Variants in CAMKMT observed in about 807,000 individuals in gnomAD.
CAMKMT encodes the protein calmodulin-lysine N-methyltransferase.
Under a neutral mutation model 48.0 loss-of-function variants are expected in CAMKMT, and 53 were observed. The ratio of observed to expected loss-of-function variants is 1.10; its 90% CI spans 0.89 to 1.39. The LOEUF (loss-of-function observed/expected upper bound fraction) is 1.39. CAMKMT is among the 40% of genes most tolerant of loss of function. CAMKMT has a pLI of 0.00. For missense variants in CAMKMT, 428 were observed against 402.7 expected (o/e 1.06, Z -0.54); for synonymous variants, 165 against 152.3 (o/e 1.08, Z -0.61).
chr2:44,683,771 C>G (rs1377407641), intron 3 of CAMKMT, among the ~76,000 whole-genome samples: 1 of 123,218 alleles, frequency 8.1e-6, no homozygotes, highest in Non-Finnish European at 1.6e-5. Flanking sequence ...TGCAGTGAGC[C>G]GAGATCGCGC....
intron 7 of CAMKMT, among the ~76,000 whole-genome samples, chr2:44,740,377 G>A (rs1199948704): frequency 3.3e-5 from 5 of 151,998 alleles, no homozygotes; most frequent in Admixed American, 6.6e-5. Context: ...CAATCCACCC[G>A]CTTCGGTCTC....
chr2:44,523,589 C>G (rs1671239318), intron 3 of CAMKMT, among the ~76,000 whole-genome samples: 1 of 151,074 alleles, frequency 6.6e-6, no homozygotes, highest in Non-Finnish European at 1.5e-5. Context: ...GTCACCACAC[C>G]TGTCCAAGGG....
intron 3 of CAMKMT, among the ~76,000 whole-genome samples, chr2:44,597,519 A>G (rs146659302): frequency 3.9e-5 from 6 of 152,316 alleles, no homozygotes; most frequent in Admixed American, 1.3e-4. Context: ...AAGTATGCAT[A>G]TTATAATCCC....
chr2:44,682,535 A>G (rs772415733), intron 3 of CAMKMT, among the ~76,000 whole-genome samples: 12 of 152,170 alleles, frequency 7.9e-5, no homozygotes, highest in Non-Finnish European at 1.5e-4. Flanking sequence ...CAACCAACCA[A>G]TCATCTCTTC....
intron 2 of CAMKMT, among the ~76,000 whole-genome samples, chr2:44,385,706 G>A (rs1326673196): frequency 6.6e-6 from 1 of 152,076 alleles, no homozygotes; most frequent in East Asian, 1.9e-4. Flanking sequence ...TTTGTCGAAT[G>A]CTTTTTCTGC....
intron 7 of CAMKMT, among the ~76,000 whole-genome samples, chr2:44,720,104 G>A (rs1678382374): frequency 6.6e-6 from 1 of 152,074 alleles, no homozygotes; most frequent in African/African-American, 2.4e-5. Context: ...ACTATTTAGT[G>A]TTTTGCACTG....
chr2:44,366,585 TCA>T (rs1224748592), intron 1 of CAMKMT, among the ~76,000 whole-genome samples: 1 of 152,216 alleles, frequency 6.6e-6, no homozygotes, highest in East Asian at 1.9e-4. Flanking sequence ...CTTTCTAACC[TCA>T]GTTTTCTCTT....
chr2:44,418,107 GAT>G, intron 3 of CAMKMT, among the ~76,000 whole-genome samples: 1 of 150,460 alleles, frequency 6.6e-6, no homozygotes, highest in Non-Finnish European at 1.5e-5. Flanking sequence ...CGGGAGAATC[GAT>G]TGAACCTGGG....
intron 3 of CAMKMT, among the ~76,000 whole-genome samples, chr2:44,590,218 G>C (rs2103813159): frequency 6.6e-6 from 1 of 152,242 alleles, no homozygotes; most frequent in South Asian, 2.1e-4. Context: ...ATATTGGTCT[G>C]TAGTCTTCTC....
At chr2:44,465,474 T>A (rs1276789134) in intron 3 of CAMKMT, among the ~76,000 whole-genome samples, 1 of 151,554 alleles carries the variant, frequency 6.6e-6, no homozygotes, top group Admixed American at 6.6e-5. Context: ...CGCATGCCTG[T>A]ACTCCCAGCT....
intron 3 of CAMKMT, chr2:44,400,930 GTATATATATATA>G (rs755352747): frequency 4.7e-5 from 3 of 64,252 alleles, no homozygotes; most frequent in Admixed American, 2.7e-4. Context: ...TTATGTGTGT[GTATATATATATA>G]TATATATATA....
chr2:44,383,814 C>G (rs1680500297), intron 2 of CAMKMT, among the ~76,000 whole-genome samples: 1 of 152,044 alleles, frequency 6.6e-6, no homozygotes, highest in Admixed American at 6.6e-5. Context: ...TTAATTCATT[C>G]CTTTGTGTAG....
chr2:44,400,275 T>A (rs1292556107), intron 3 of CAMKMT, among the ~76,000 whole-genome samples: 1 of 152,170 alleles, frequency 6.6e-6, no homozygotes, highest in Non-Finnish European at 1.5e-5. Context: ...AATACAATAA[T>A]TTTTAAAAAA....
intron 3 of CAMKMT, among the ~76,000 whole-genome samples, chr2:44,608,070 CTTTTTTT>C (rs10587945): frequency 1.8e-5 from 2 of 111,942 alleles, no homozygotes; most frequent in African/African-American, 3.3e-5. Context: ...ATATATTTTC[CTTTTTTT>C]TTTTTTTTTT....
chr2:44,722,490 T>C (rs1678525604), intron 7 of CAMKMT, among the ~76,000 whole-genome samples: 1 of 152,150 alleles, frequency 6.6e-6, no homozygotes, highest in Admixed American at 6.5e-5. Context: ...TTTTGAAGTT[T>C]GTCTTATCTT....
intron 2 of CAMKMT, among the ~76,000 whole-genome samples, chr2:44,375,171 G>GTTT (rs148190917): frequency 6.8e-6 from 1 of 147,138 alleles, no homozygotes; most frequent in South Asian, 2.2e-4. Flanking sequence ...CAGGGTTTCT[G>GTTT]TTTTTTTTTT....
At chr2:44,389,328 G>A (rs1016388899) in intron 2 of CAMKMT, among the ~76,000 whole-genome samples, 3 of 152,082 alleles carry the variant, frequency 2.0e-5, no homozygotes, top group Admixed American at 2.0e-4. Context: ...GTCACCTTTC[G>A]AGGTACCAGG....
chr2:44,652,371 T>G (rs1674120321), intron 3 of CAMKMT, among the ~76,000 whole-genome samples: 1 of 152,308 alleles, frequency 6.6e-6, no homozygotes, highest in Admixed American at 6.5e-5. Context: ...TTGTTCCTGG[T>G]GGGGCACCCC....
chr2:44,605,361 A>G (rs989276864), intron 3 of CAMKMT, among the ~76,000 whole-genome samples: 3 of 152,062 alleles, frequency 2.0e-5, no homozygotes, highest in African/African-American at 4.8e-5. Flanking sequence ...ATTTTTTTGA[A>G]CATACTTGGT....
Sources: gnomAD v4.1 joint callset for allele counts (sites outside exome capture counted in the v4.1 genomes callset) on GRCh38, gnomAD v4.1.1 for gene constraint, MANE v1.5 for transcripts, NCBI Gene and HGNC (gene_info 2026-07-23, HGNC 2026-07-21) for gene names.